Variants in EPHA6 observed in about 807,000 individuals in gnomAD.
The protein encoded by EPHA6 is EPH receptor A6.
A neutral mutation model predicts 112.0 loss-of-function variants in EPHA6; 50 were observed. That is an observed-to-expected ratio of 0.45 (90% CI 0.36 to 0.56). The LOEUF (loss-of-function observed/expected upper bound fraction) is 0.56. Among genes scored for constraint, EPHA6 ranks in the 20% least tolerant of loss-of-function variants. The pLI is 0.00. For synonymous variants in EPHA6, 529 were observed against 490.7 expected, an observed-to-expected ratio of 1.08 and a Z score of -1.03; for missense variants, 1,280 against 1,417.4, an observed-to-expected ratio of 0.90 and a Z score of 1.56.
chr3:96,944,630 G>A (rs768601746), intron 2 of EPHA6, among the ~76,000 whole-genome samples: 30 of 152,238 alleles, frequency 2.0e-4, no homozygotes, highest in Non-Finnish European at 3.8e-4. Flanking sequence ...TGGCCAAGGC[G>A]GGTGGATCAA....
At chr3:97,114,367 G>A (rs1359044480) in intron 3 of EPHA6, among the ~76,000 whole-genome samples, 4 of 151,846 alleles carry the variant, frequency 2.6e-5, no homozygotes, top group African/African-American at 7.3e-5. Flanking sequence ...AGCAAATATG[G>A]CTAAATTTAC....
At chr3:97,579,086 G>A (rs1394756949) in intron 11 of EPHA6, among the ~76,000 whole-genome samples, 1 of 152,124 alleles carries the variant, frequency 6.6e-6, no homozygotes, top group Non-Finnish European at 1.5e-5. Context: ...CAGTTTGCTA[G>A]ATTATAGCTA....
intron 14 of EPHA6, among the ~76,000 whole-genome samples, chr3:97,665,885 A>G (rs1185220887): frequency 6.6e-6 from 1 of 152,138 alleles, no homozygotes; most frequent in Non-Finnish European, 1.5e-5. Flanking sequence ...GTGAAACCCC[A>G]TCTCTAAGAA....
At chr3:96,878,416 AG>A (rs1380472926) in intron 2 of EPHA6, among the ~76,000 whole-genome samples, 2 of 152,022 alleles carry the variant, frequency 1.3e-5, no homozygotes, top group Non-Finnish European at 2.9e-5. Context: ...GGGCCTTGTA[AG>A]TGATGCTAAG....
At chr3:96,840,713 C>G (rs988974584) in intron 1 of EPHA6, among the ~76,000 whole-genome samples, 1 of 151,964 alleles carries the variant, frequency 6.6e-6, no homozygotes, top group Admixed American at 6.6e-5. Context: ...AGTACTGAGT[C>G]CTGATTACCG....
chr3:97,365,346 A>T (rs1203457263), intron 5 of EPHA6, among the ~76,000 whole-genome samples: 2 of 152,112 alleles, frequency 1.3e-5, no homozygotes, highest in Non-Finnish European at 1.5e-5. Context: ...TACCCTACAG[A>T]CATCATTAGC....
At chr3:97,602,460 C>T (rs2093650719) in intron 12 of EPHA6, among the ~76,000 whole-genome samples, 1 of 151,946 alleles carries the variant, frequency 6.6e-6, no homozygotes, top group Admixed American at 6.6e-5. Context: ...CTTTATGCTC[C>T]TCAAATTACT....
intron 5 of EPHA6, among the ~76,000 whole-genome samples, chr3:97,275,868 A>G (rs1022756102): frequency 6.6e-6 from 1 of 151,846 alleles, no homozygotes; most frequent in Non-Finnish European, 1.5e-5. Context: ...GGAGGCTTTG[A>G]ACTGGGGGGA....
chr3:97,415,649 A>G (rs1373163738), intron 6 of EPHA6, among the ~76,000 whole-genome samples: 2 of 152,098 alleles, frequency 1.3e-5, no homozygotes, highest in East Asian at 3.8e-4. Flanking sequence ...TTGTTAAAGC[A>G]CTTGTCTTTG....
intron 3 of EPHA6, among the ~76,000 whole-genome samples, chr3:97,145,609 C>G (rs1423764657): frequency 6.6e-6 from 1 of 150,458 alleles, no homozygotes; most frequent in Non-Finnish European, 1.5e-5. Flanking sequence ...CTTATTTTTA[C>G]AACGGGAAAA....
intron 3 of EPHA6, among the ~76,000 whole-genome samples, chr3:97,180,453 G>C (rs2076956814): frequency 6.6e-6 from 1 of 152,062 alleles, no homozygotes. Flanking sequence ...AAGGCAGATG[G>C]AGTTTGCCCT....
At chr3:97,265,605 C>T (rs2079652640) in intron 5 of EPHA6, among the ~76,000 whole-genome samples, 1 of 152,152 alleles carries the variant, frequency 6.6e-6, no homozygotes, top group Non-Finnish European at 1.5e-5. Flanking sequence ...CAGGGGGGGC[C>T]TTCCCAAGAC....
chr3:96,936,736 T>G (rs957018275), intron 2 of EPHA6, among the ~76,000 whole-genome samples: 1 of 152,182 alleles, frequency 6.6e-6, no homozygotes, highest in Non-Finnish European at 1.5e-5. Context: ...TTTAGGTATA[T>G]CTCCTAATGC....
Position 96,841,665 on chromosome 3 carries a change from G to A in EPHA6, c.386-25160G>A, listed in dbSNP as rs1236696624. Reference sequence around the variant, plus strand: ...GAGTCACTACCTGTCAGCCCATAACGGAGATACAGTTTGAGAGAGAAATCA... The same window carrying A: ...GAGTCACTACCTGTCAGCCCATAACAGAGATACAGTTTGAGAGAGAAATCA... On this transcript the variant is annotated intron_variant, in intron 1 of 17. Transcript: ENST00000389672. 3.3e-5 allele frequency among the ~76,000 whole-genome samples: 5 copies of A among 151,968 alleles called. No individual in the cohort carries two copies. The East Asian group carries it at 9.7e-4, about 29-fold the overall frequency.
At chr3:96,997,818 C>T (rs2043478746) in intron 3 of EPHA6, among the ~76,000 whole-genome samples, 1 of 151,956 alleles carries the variant, frequency 6.6e-6, no homozygotes, top group African/African-American at 2.4e-5. Flanking sequence ...AAAATGAGCA[C>T]ACACTTTTGG....
intron 2 of EPHA6, among the ~76,000 whole-genome samples, chr3:96,954,116 C>T (rs570851945): frequency 6.6e-6 from 1 of 152,166 alleles, no homozygotes; most frequent in East Asian, 1.9e-4. Flanking sequence ...TCAAGTAATC[C>T]ACCTGCCTCT....
chr3:96,861,289 A>G (rs991002044), intron 1 of EPHA6, among the ~76,000 whole-genome samples: 3 of 152,122 alleles, frequency 2.0e-5, no homozygotes, highest in African/African-American at 2.4e-5. Flanking sequence ...GCTCTAGAGT[A>G]TAACTTGCTT....
intron 9 of EPHA6, among the ~76,000 whole-genome samples, chr3:97,481,679 C>T (rs1299082883): frequency 2.0e-5 from 3 of 151,742 alleles, no homozygotes; most frequent in Non-Finnish European, 4.4e-5. Context: ...CGCCCGGCCC[C>T]GCCCCGCACC....
chr3:97,183,391 T>A (rs1170022365), intron 3 of EPHA6, among the ~76,000 whole-genome samples: 2 of 152,134 alleles, frequency 1.3e-5, no homozygotes, highest in Non-Finnish European at 2.9e-5. Flanking sequence ...TATTAGATAA[T>A]GTGATAGATT....
Sources: gnomAD v4.1 joint callset for allele counts (sites outside exome capture counted in the v4.1 genomes callset) on GRCh38, gnomAD v4.1.1 for gene constraint, MANE v1.5 for transcripts, NCBI Gene and HGNC (gene_info 2026-07-23, HGNC 2026-07-21) for gene names.